Variants in ADAMTS20 observed in about 807,000 individuals in gnomAD.
ADAMTS20 encodes A disintegrin and metalloproteinase with thrombospondin motifs 20.
A neutral mutation model predicts 260.1 loss-of-function variants in ADAMTS20; 225 were observed. The observed-to-expected ratio is 0.87, with a 90% CI of 0.78 to 0.97. ADAMTS20 has a LOEUF of 0.97. Among genes scored for constraint, ADAMTS20 ranks in the 50% least tolerant of loss-of-function variants. The pLI is 0.00. For missense variants in ADAMTS20, 2,400 were observed against 2,337.7 expected (o/e 1.03, Z -0.55); for synonymous variants, 802 against 769.5 (o/e 1.04, Z -0.70).
chr12:43,503,351 A>T (rs1419378660), intron 3 of ADAMTS20, among the ~76,000 whole-genome samples: 1 of 152,150 alleles, frequency 6.6e-6, no homozygotes, highest in Non-Finnish European at 1.5e-5. Flanking sequence ...CAAGTAATCA[A>T]TACCAAAATA....
chr12:43,424,496 TG>T (rs1306853856), intron 28 of ADAMTS20, among the ~76,000 whole-genome samples: 8 of 152,158 alleles, frequency 5.3e-5, no homozygotes, highest in Admixed American at 2.0e-4. Context: ...AGTTCTGTTA[TG>T]GAAGTAAATT....
chr12:43,459,337 A>C (rs993878655), intron 11 of ADAMTS20, among the ~76,000 whole-genome samples: 1 of 152,150 alleles, frequency 6.6e-6, no homozygotes, highest in Non-Finnish European at 1.5e-5. Context: ...GGTTCATCCT[A>C]ATCAGGCTGA....
At chr12:43,405,644 T>G (rs916834279) in intron 28 of ADAMTS20, among the ~76,000 whole-genome samples, 7 of 152,048 alleles carry the variant, frequency 4.6e-5, no homozygotes, top group Non-Finnish European at 8.8e-5. Flanking sequence ...AGTCCTCTAT[T>G]GTTGTTATTA....
chr12:43,506,219 G>T (rs974927897), intron 3 of ADAMTS20, among the ~76,000 whole-genome samples: 2 of 151,582 alleles, frequency 1.3e-5, no homozygotes. Context: ...ATCATGCTAA[G>T]TCAAATAAGC....
Position 43,369,306 on chromosome 12 carries a change from G to A in ADAMTS20, c.5522C>T (p.Ala1841Val). The change falls in exon 37 of 39, where the codon GCT becomes GTT. Residue 1841 changes from alanine (A) to valine (V), a missense_variant. Physicochemically the swap from Ala to Val is moderately conservative, Grantham distance 64. Transcript: ENST00000389420. ...ATGAAATACCTGTGGGCATCTGAAAGCACTGTAGCAATCTCCAGCTGTGGC... is the reference window on the plus strand; with the variant it reads ...ATGAAATACCTGTGGGCATCTGAAAACACTGTAGCAATCTCCAGCTGTGGC... ...PFATAGDCYSAFRCPQGQFSI... is the reference protein window; with the variant it reads ...PFATAGDCYSVFRCPQGQFSI... 1 of 1,538,172 alleles carries A rather than the reference G, an allele frequency of 6.5e-7. No homozygotes were observed. Among genetic ancestry groups the A allele is most frequent in the Non-Finnish European group, 8.7e-7 (1 of 1,144,300 alleles).
chr12:43,469,629 G>T (rs376494028), intron 7 of ADAMTS20, among the ~76,000 whole-genome samples: 1 of 151,122 alleles, frequency 6.6e-6, no homozygotes, highest in East Asian at 1.9e-4. Flanking sequence ...ACAAAAAAAA[G>T]ATTTTTTCAT....
intron 2 of ADAMTS20, among the ~76,000 whole-genome samples, chr12:43,545,648 C>T (rs763107132): frequency 2.0e-5 from 3 of 152,168 alleles, no homozygotes; most frequent in Non-Finnish European, 2.9e-5. Context: ...GTAGGGATAT[C>T]ATGGCAGACC....
intron 15 of ADAMTS20, 74 bp downstream of exon 15, chr12:43,446,521 C>T: frequency 8.9e-7 from 1 of 1,124,444 alleles, no homozygotes; most frequent in Non-Finnish European, 1.3e-6. Context: ...CAAAGAATTA[C>T]TGTTACACCT....
chr12:43,404,642 T>C (rs1012367902), intron 28 of ADAMTS20, among the ~76,000 whole-genome samples: 2 of 152,204 alleles, frequency 1.3e-5, no homozygotes, highest in African/African-American at 4.8e-5. Flanking sequence ...TGGATGAAGA[T>C]ATATATATTT....
At chr12:43,356,731 C>A in intron 37 of ADAMTS20, 143 bp from the exon 38 acceptor site, 1 of 567,228 alleles carries the variant, frequency 1.8e-6, no homozygotes, top group Non-Finnish European at 3.1e-6. Flanking sequence ...AACTCTAGGA[C>A]TCTATGATTC....
At chr12:43,485,374 C>A (rs181176552) in intron 7 of ADAMTS20, among the ~76,000 whole-genome samples, 2 of 151,956 alleles carry the variant, frequency 1.3e-5, no homozygotes, top group African/African-American at 2.4e-5. Context: ...ATCCAACATC[C>A]CTTTATGATA....
chr12:43,527,848 C>A (rs12317545), intron 3 of ADAMTS20, among the ~76,000 whole-genome samples: 51,992 of 151,814 alleles, frequency 0.34, 9,538 homozygotes, highest in East Asian at 0.75. Flanking sequence ...AACAATCAGG[C>A]AAGAGAAAGA....
intron 3 of ADAMTS20, among the ~76,000 whole-genome samples, chr12:43,506,359 G>A (rs1471008491): frequency 6.6e-6 from 1 of 152,032 alleles, no homozygotes; most frequent in African/African-American, 2.4e-5. Flanking sequence ...AGTTGTGAAT[G>A]TATATAGTCT....
chr12:43,541,835 A>T (rs1235513208), intron 2 of ADAMTS20, among the ~76,000 whole-genome samples: 25 of 152,176 alleles, frequency 1.6e-4, no homozygotes, highest in Admixed American at 1.6e-3. Flanking sequence ...TACCTTCCCC[A>T]TTCTGAGACA....
rs571081037 is a variant in ADAMTS20 at position 43,471,186 on chromosome 12, G to A, written c.1118-2481C>T. On this transcript the variant is annotated intron_variant, in intron 7 of 38. Coordinates refer to ENST00000389420, the MANE Select transcript of ADAMTS20 (RefSeq NM_025003.5). The stretch of plus-strand genomic sequence containing the variant: ...TTGCCTCACCTGGGAAGCGCAAGGG[G>A]TCAGGGAGTTCCCTTTCCGAGTCAA... 4.6e-5 allele frequency among the ~76,000 whole-genome samples: 7 copies of A among 152,268 alleles called. No individual in the cohort carries two copies. The South Asian group carries it at 1.2e-3, about 27-fold the overall frequency.
chr12:43,438,438 CTG>C (rs1941597843), intron 18 of ADAMTS20, among the ~76,000 whole-genome samples: 1 of 152,278 alleles, frequency 6.6e-6, no homozygotes, highest in Admixed American at 6.5e-5. Context: ...AACCAAAGCT[CTG>C]TGTTTTCTAC....
At chr12:43,492,716 A>G in intron 5 of ADAMTS20, 87 bp from the exon 6 acceptor site, 1 of 1,462,550 alleles carries the variant, frequency 6.8e-7, no homozygotes, top group South Asian at 1.3e-5. Context: ...ACAATTTATC[A>G]AATAGCATTC....
Position 43,532,040 on chromosome 12 carries a change from C to G in ADAMTS20, c.609G>C (p.Val203=). ...SFLQTLKYCS[V]SESQIKETSL... Reference sequence around the variant, plus strand: ...GAGTTCTATTTCACAGTTTACCTGACACACTGCAATACTTCAGAGTCTGCA... The same window carrying G: ...GAGTTCTATTTCACAGTTTACCTGAGACACTGCAATACTTCAGAGTCTGCA... Residue 203 remains valine (V), a synonymous_variant, in exon 3 of 39, where the codon GTG becomes GTC. Transcript: ENST00000389420. 1 of 1,562,044 alleles carries G rather than the reference C, an allele frequency of 6.4e-7. No homozygotes were observed. Among genetic ancestry groups the G allele is most frequent in the Non-Finnish European group, 8.7e-7 (1 of 1,152,866 alleles).
At chr12:43,500,575 C>T (rs913988289) in intron 4 of ADAMTS20, among the ~76,000 whole-genome samples, 1 of 152,078 alleles carries the variant, frequency 6.6e-6, no homozygotes, top group South Asian at 2.1e-4. Flanking sequence ...GGATAAATTT[C>T]TATCTATACT....
Sources: gnomAD v4.1 joint callset for allele counts (sites outside exome capture counted in the v4.1 genomes callset) on GRCh38, gnomAD v4.1.1 for gene constraint, MANE v1.5 for transcripts, NCBI Gene and HGNC (gene_info 2026-07-23, HGNC 2026-07-21) for gene names.